Variants in NEDD4L observed in about 807,000 individuals in gnomAD.
NEDD4L encodes the protein E3 ubiquitin-protein ligase NEDD4-like.
Under a neutral mutation model 148.9 loss-of-function variants are expected in NEDD4L, and 54 were observed. That is an observed-to-expected ratio of 0.36 (90% CI 0.29 to 0.45). The LOEUF (loss-of-function observed/expected upper bound fraction) is 0.45. Ranked by LOEUF, NEDD4L falls within the 20% of genes least tolerant of loss-of-function variation. The pLI is 1.00. For missense variants in NEDD4L, 856 were observed against 1,233.8 expected, an observed-to-expected ratio of 0.69 and a Z score of 4.59; for synonymous variants, 433 against 440.7, an observed-to-expected ratio of 0.98 and a Z score of 0.22.
chr18:58,169,368 C>T (rs1018668598), intron 2 of NEDD4L, among the ~76,000 whole-genome samples: 3 of 152,132 alleles, frequency 2.0e-5, no homozygotes, highest in Non-Finnish European at 4.4e-5. Flanking sequence ...AAAGGGCAGT[C>T]ATATAATCTG....
intron 16 of NEDD4L, among the ~76,000 whole-genome samples, chr18:58,346,334 A>G (rs1300037117): frequency 6.6e-6 from 1 of 152,240 alleles, no homozygotes; most frequent in East Asian, 1.9e-4. Flanking sequence ...TTCTCAGATT[A>G]GGGATGCTGA....
chr18:58,115,654 G>A (rs953406292), intron 1 of NEDD4L, among the ~76,000 whole-genome samples: 9 of 152,090 alleles, frequency 5.9e-5, no homozygotes, highest in African/African-American at 1.9e-4. Flanking sequence ...ACTCTCTCCC[G>A]TTAGTTCTGT....
intron 1 of NEDD4L, among the ~76,000 whole-genome samples, chr18:58,162,571 C>T (rs2036352279): frequency 6.6e-6 from 1 of 150,930 alleles, no homozygotes; most frequent in South Asian, 2.1e-4. Context: ...GCACTTGCCA[C>T]CATCAGAAAT....
chr18:58,253,814 T>C (rs1298533901), intron 5 of NEDD4L, among the ~76,000 whole-genome samples: 1 of 152,212 alleles, frequency 6.6e-6, no homozygotes, highest in Non-Finnish European at 1.5e-5. Flanking sequence ...TGAGGTGATC[T>C]TGCCCTGGGT....
chr18:58,375,908 C>T (rs2047502309), intron 24 of NEDD4L, among the ~76,000 whole-genome samples: 1 of 152,108 alleles, frequency 6.6e-6, no homozygotes, highest in Admixed American at 6.5e-5. Context: ...GGGTCTTAAA[C>T]TGCCAATTTT....
rs1029021636 is a variant in NEDD4L, at chr18:58,397,284, G to A, written c.*1015G>A. 2 of 152,636 alleles carry A rather than the reference G, an allele frequency of 1.3e-5. No individual in the cohort carries two copies. Among genetic ancestry groups the A allele is most frequent in the African/African-American group, 4.8e-5 (2 of 41,452 alleles). 9.5% of individuals were successfully genotyped at this position (152,636 alleles called of 1,614,324 possible). On this transcript the variant is annotated 3_prime_UTR_variant, in exon 31 of 31. Transcript: ENST00000400345. The stretch of plus-strand genomic sequence containing the variant: ...TTTGCTAATGGTAGCTAAATAACCA[G>A]TTTTTGTTGTAAATGCACCAATTCT...
At chr18:58,229,003 T>C (rs928360627) in intron 2 of NEDD4L, among the ~76,000 whole-genome samples, 2 of 152,304 alleles carry the variant, frequency 1.3e-5, no homozygotes, top group South Asian at 4.2e-4. Context: ...CCAATCAGAC[T>C]ACATTTTAAC....
intron 22 of NEDD4L, among the ~76,000 whole-genome samples, chr18:58,368,997 G>A (rs978053180): frequency 6.6e-6 from 1 of 152,188 alleles, no homozygotes; most frequent in Non-Finnish European, 1.5e-5. Flanking sequence ...CTCTAACAGG[G>A]GGTAATAGAG....
Position 58,089,910 on chromosome 18 carries a change from G to A in NEDD4L, c.48+45202G>A, listed in dbSNP as rs562668836. 4.3e-4 allele frequency among the ~76,000 whole-genome samples: 65 copies of A among 149,690 alleles called. 1 individual carries two copies. The highest frequency in any genetic ancestry group is 1.5e-3 in the African/African-American group (61 of 40,738). On this transcript the variant is annotated intron_variant, in intron 1 of 30. Coordinates refer to ENST00000400345, the MANE Select transcript of NEDD4L (RefSeq NM_001144967.3). ...GCTGGAGTGCAGTGGCACTATCTCA[G>A]CTCACTGCAACCTCCATCTCCCAAG... is the stretch of plus-strand genomic sequence containing the variant.
chr18:58,367,719 G>A (rs774567011), intron 21 of NEDD4L, 27 bp from the exon 22 acceptor site: 1 of 1,612,036 alleles, frequency 6.2e-7, no homozygotes, highest in Non-Finnish European at 8.5e-7. Context: ...AGTGTGATTG[G>A]GCTTTTCTTC....
At chr18:58,110,113 A>C (rs988139219) in intron 1 of NEDD4L, among the ~76,000 whole-genome samples, 4 of 152,202 alleles carry the variant, frequency 2.6e-5, no homozygotes, top group Admixed American at 2.6e-4. Context: ...GATAGTTGGC[A>C]TCAAGATGGG....
chr18:58,148,163 C>CT lies in NEDD4L; in HGVS notation c.49-17611dup, dbSNP rs58114617. Among the ~76,000 whole-genome samples the CT allele has an allele frequency of 3.7e-3, 522 of 141,954 alleles. 1 individual carries two copies. The highest frequency in any genetic ancestry group is 4.1e-3 in the Non-Finnish European group (267 of 64,642). The allele number at this position is 141,954 out of a possible 152,430, so 93.1% of individuals were successfully genotyped here. A position where few individuals can be genotyped will look rare whatever the true frequency, so the allele number is the denominator to read the frequency against. ...CAACAGAAATTGATTCCACACTGTT[C>CT]TTTTTTTTTTTTTTCTTTTTGAGAT... is the stretch of plus-strand genomic sequence containing the variant. On this transcript the variant is annotated intron_variant, in intron 1 of 30. Transcript: ENST00000400345.
intron 1 of NEDD4L, among the ~76,000 whole-genome samples, chr18:58,070,798 G>A (rs1370758935): frequency 1.5e-5 from 2 of 137,066 alleles, no homozygotes; most frequent in Non-Finnish European, 1.5e-5. Context: ...AGTTACTAGC[G>A]AACCACTAAA....
At chr18:58,311,694 G>A (rs1311546855) in intron 5 of NEDD4L, among the ~76,000 whole-genome samples, 1 of 151,652 alleles carries the variant, frequency 6.6e-6, no homozygotes, top group African/African-American at 2.4e-5. Flanking sequence ...AAAGATAAGA[G>A]TCCCTGTGGT....
chr18:58,085,099 C>G (rs1043908771), intron 1 of NEDD4L, among the ~76,000 whole-genome samples: 25 of 152,166 alleles, frequency 1.6e-4, no homozygotes, highest in Non-Finnish European at 1.8e-4. Flanking sequence ...CTCATTTTAA[C>G]TTAATCACTT....
chr18:58,066,474 A>G (rs1416286577), intron 1 of NEDD4L, among the ~76,000 whole-genome samples: 1 of 139,388 alleles, frequency 7.2e-6, no homozygotes, highest in African/African-American at 2.6e-5. Context: ...TACTGCCACC[A>G]TGCCAGGCTA....
intron 2 of NEDD4L, among the ~76,000 whole-genome samples, chr18:58,191,817 A>G (rs1423870081): frequency 6.6e-6 from 1 of 152,172 alleles, no homozygotes; most frequent in African/African-American, 2.4e-5. Context: ...CAATCTGGGA[A>G]ACTCCAATGC....
intron 2 of NEDD4L, among the ~76,000 whole-genome samples, chr18:58,220,690 A>G (rs368841496): frequency 1.1e-4 from 16 of 152,328 alleles, no homozygotes; most frequent in African/African-American, 3.6e-4. Context: ...GTTTGCTACA[A>G]CTGGGGACAC....
intron 9 of NEDD4L, among the ~76,000 whole-genome samples, chr18:58,327,153 A>G: frequency 6.6e-6 from 1 of 152,176 alleles, no homozygotes; most frequent in South Asian, 2.1e-4. Context: ...TGTCACCCAC[A>G]GTGGCACCAT....
Sources: allele counts gnomAD v4.1 joint callset (sites outside exome capture counted in the v4.1 genomes callset), GRCh38; gene constraint gnomAD v4.1.1; transcripts MANE v1.5; gene names NCBI Gene and HGNC (gene_info 2026-07-23, HGNC 2026-07-21).